The following TMEM255B variants were observed in gnomAD, a reference collection of about 807,000 sequenced individuals.
TMEM255B encodes transmembrane protein 255B.
Under a neutral mutation model 34.5 loss-of-function variants are expected in TMEM255B, and 35 were observed. The observed-to-expected ratio is 1.01, with a 90% confidence interval of 0.77 to 1.34. TMEM255B has a LOEUF of 1.34. TMEM255B is among the 40% of genes most tolerant of loss of function. TMEM255B has a pLI of 0.00. For synonymous variants in TMEM255B, 206 were observed against 201.2 expected (o/e 1.02, Z -0.20); for missense variants, 432 against 433.2 (o/e 1.00, Z 0.02).
Position 113,815,459 on chromosome 13 carries a change from G to T in TMEM255B, c.*3556G>T, listed in dbSNP as rs891863691. ...CCCCACCCAAATCTCAACTTGAATT[G>T]TATTTCCCAGAATTCCTGCGCGTTG... On this transcript the variant is annotated 3_prime_UTR_variant, in exon 9 of 9. Transcript: ENST00000375353. 2 of 152,218 alleles carry T rather than the reference G, an allele frequency of 1.3e-5. No homozygotes were observed. The highest frequency in any genetic ancestry group is 4.8e-5 in the African/African-American group (2 of 41,410). 9.4% of individuals were successfully genotyped at this position (152,218 alleles called of 1,614,324 possible). A position where few individuals can be genotyped will look rare whatever the true frequency, so the allele number is the denominator to read the frequency against.
Position 113,759,236 on chromosome 13 carries a change from C to T in TMEM255B, c.-34C>T, listed in dbSNP as rs574115430. On this transcript the variant is annotated 5_prime_UTR_variant, in exon 1 of 9. Transcript: ENST00000375353. ...GCGGCTCCTGGCGGCGGGACTGTGG[C>T]TGTGGCCCCGGGAGAGCCGGGTGGG... 19 of 1,226,970 alleles carry T rather than the reference C, an allele frequency of 1.5e-5. No individual in the cohort carries two copies. Among genetic ancestry groups the T allele is most frequent in the Middle Eastern group, 3.1e-4 (1 of 3,182 alleles). The allele number at this position is 1,226,970 out of a possible 1,614,324, so 76.0% of individuals were successfully genotyped here.
chr13:113,768,176 C>T, intron 2 of TMEM255B: 1 of 469,984 alleles, frequency 2.1e-6, no homozygotes, highest in Admixed American at 2.3e-5. Flanking sequence ...GTGCGACCGG[C>T]CCGGCGCACC....
chr13:113,768,438 C>T (rs1188576940), intron 2 of TMEM255B, among the ~76,000 whole-genome samples: 1 of 152,246 alleles, frequency 6.6e-6, no homozygotes, highest in Non-Finnish European at 1.5e-5. Context: ...GTATCATTTT[C>T]TGCCCAGAGC....
chr13:113,801,571 G>A, intron 6 of TMEM255B, 82 bp from the exon 7 acceptor site: 1 of 1,465,316 alleles, frequency 6.8e-7, no homozygotes, highest in East Asian at 2.5e-5. Context: ...GCCCTGCAGG[G>A]CTCAGGTCCA....
At chr13:113,793,037 C>G (rs2050857605) in intron 3 of TMEM255B, among the ~76,000 whole-genome samples, 1 of 152,224 alleles carries the variant, frequency 6.6e-6, no homozygotes, top group Non-Finnish European at 1.5e-5. Flanking sequence ...CCAAGGACCA[C>G]TAGGGGCAAG....
In TMEM255B at chr13:113,775,984, G is replaced by A. The variant is rs569539688; in HGVS notation, c.252+6824G>A. Among the ~76,000 whole-genome samples the A allele has an allele frequency of 3.3e-5, 5 of 152,314 alleles. No individual in the cohort carries two copies. The South Asian group carries it at 1.0e-3, about 32-fold the overall frequency. On this transcript the variant is annotated intron_variant, in intron 3 of 8. Coordinates refer to ENST00000375353, the MANE Select transcript of TMEM255B (RefSeq NM_182614.4). ...CAGGTCTCTGTGTGCAGCCATGTGC[G>A]GCCTGTGAGCTGAAGCTGAGTCTTC...
intron 3 of TMEM255B, among the ~76,000 whole-genome samples, chr13:113,791,342 C>T (rs1000018743): frequency 1.2e-4 from 18 of 152,198 alleles, no homozygotes; most frequent in Non-Finnish European, 2.1e-4. Context: ...GGGCATCTAG[C>T]GGGTGGCACC....
In TMEM255B at chr13:113,800,879, C is replaced by T. The variant is rs760051716; in HGVS notation, c.476C>T (p.Thr159Ile). The T allele has an allele frequency of 1.9e-6, 3 of 1,610,786 alleles. No homozygotes were observed. Among genetic ancestry groups the T allele is most frequent in the Admixed American group, 1.7e-5 (1 of 59,748 alleles). ...TGCCAGCTGAAGGTGAGAAGCAACA[C>T]CTGTTACTGCTGTGACCTCTATGCC... is the stretch of plus-strand genomic sequence containing the variant. ...GKCQLKVRSN[T>I]CYCCDLYACG... Residue 159 changes from threonine (T) to isoleucine (I), a missense_variant, in exon 6 of 9, where the codon ACC becomes ATC. Thr to Ile is a moderately conservative substitution (Grantham distance 89). Coordinates refer to ENST00000375353, the MANE Select transcript of TMEM255B (RefSeq NM_182614.4).
intron 3 of TMEM255B, 107 bp from the exon 4 acceptor site, chr13:113,795,041 A>T: frequency 1.1e-6 from 1 of 948,754 alleles, no homozygotes; most frequent in African/African-American, 1.6e-5. Context: ...GAGAAGAGGC[A>T]GTTCTGTGAA....
Position 113,812,123 on chromosome 13 carries a change from C to CT in TMEM255B, c.*221dup, listed in dbSNP as rs959814663. The CT allele has an allele frequency of 1.7e-6, 1 of 588,480 alleles. No homozygotes were observed. Among genetic ancestry groups the CT allele is most frequent in the Non-Finnish European group, 2.9e-6 (1 of 343,242 alleles). The allele number at this position is 588,480 out of a possible 1,614,324, so 36.5% of individuals were successfully genotyped here. A position where few individuals can be genotyped will look rare whatever the true frequency, so the allele number is the denominator to read the frequency against. ...GGCTGGTGACACCTTGGCTTGGGCT[C>CT]TGCTCACATCAAATGGCGCTGAAAG... On this transcript the variant is annotated 3_prime_UTR_variant, in exon 9 of 9. Coordinates refer to ENST00000375353, the MANE Select transcript of TMEM255B (RefSeq NM_182614.4).
chr13:113,790,783 C>T lies in TMEM255B; in HGVS notation c.253-4365C>T, dbSNP rs192216817. ...ATGGACATCCTAGCTCTGGACTGAC[C>T]GGACACGTAGACATCCTAGCATTGA... On this transcript the variant is annotated intron_variant, in intron 3 of 8. Coordinates refer to ENST00000375353, the MANE Select transcript of TMEM255B (RefSeq NM_182614.4). Among the ~76,000 whole-genome samples, 883 of 106,386 alleles carry T rather than the reference C, an allele frequency of 8.3e-3. 12 individuals are homozygous for T. Among genetic ancestry groups the T allele is most frequent in the South Asian group, 0.027 (75 of 2,746 alleles). The allele number at this position is 106,386 out of a possible 152,430, so 69.8% of individuals were successfully genotyped here.
At chr13:113,794,251 G>A (rs1251177351) in intron 3 of TMEM255B, among the ~76,000 whole-genome samples, 1 of 152,146 alleles carries the variant, frequency 6.6e-6, no homozygotes, top group Non-Finnish European at 1.5e-5. Context: ...CTGCTCGGTC[G>A]GCTCTGCTCT....
Position 113,800,935 on chromosome 13 carries a change from A to G in TMEM255B, c.509+23A>G, listed in dbSNP as rs111667140. The stretch of plus-strand genomic sequence containing the variant: ...GAGGTGAGGGGCACCGGGGACCCCC[A>G]TATCTACACCTGCGGGAGGTGAGGG... On this transcript the variant is annotated intron_variant, in intron 6 of 8. Coordinates refer to ENST00000375353, the MANE Select transcript of TMEM255B (RefSeq NM_182614.4). 4.7e-3 allele frequency: 5,579 copies of G among 1,189,762 alleles called. 225 individuals are homozygous for G. In the African/African-American group the frequency reaches 0.096, roughly 20 times the overall value. The allele number at this position is 1,189,762 out of a possible 1,614,324, so 73.7% of individuals were successfully genotyped here.
intron 7 of TMEM255B, among the ~76,000 whole-genome samples, chr13:113,803,639 TCC>T (rs2051106545): frequency 8.5e-6 from 1 of 118,158 alleles, no homozygotes; most frequent in African/African-American, 2.9e-5. Context: ...ACTGCAAATC[TCC>T]TGCCCCTCCC....
chr13:113,785,985 G>C (rs1469580324), intron 3 of TMEM255B, among the ~76,000 whole-genome samples: 2 of 152,228 alleles, frequency 1.3e-5, no homozygotes, highest in Non-Finnish European at 2.9e-5. Context: ...CCCACTTCGT[G>C]TTTCCAAAGC....
chr13:113,765,123 CAA>C (rs2050368075), intron 1 of TMEM255B, among the ~76,000 whole-genome samples: 1 of 152,148 alleles, frequency 6.6e-6, no homozygotes, highest in East Asian at 1.9e-4. Flanking sequence ...TTGCAAGGGT[CAA>C]GAGGCAGGCA....
chr13:113,799,397 T>G lies in TMEM255B; in HGVS notation c.401T>G (p.Leu134Trp), dbSNP rs1326855950. 6.2e-7 allele frequency: 1 copy of G among 1,614,164 alleles called. No individual in the cohort carries two copies. Among genetic ancestry groups the G allele is most frequent in the Non-Finnish European group, 8.5e-7 (1 of 1,180,012 alleles). ...TTTTACTCCAGTGGGGTGGGGTACT[T>G]GTACGATGTCTACCAGACAGAGGTG... ...CQFYSSGVGY[L>W]YDVYQTEVTC... Residue 134 changes from leucine (L) to tryptophan (W), a missense_variant, in exon 5 of 9, where the codon TTG becomes TGG. By Grantham distance (61) the Leu-to-Trp change is moderately conservative (BLOSUM62 -2). Transcript: ENST00000375353.
Position 113,814,224 on chromosome 13 carries a change from T to C in TMEM255B, c.*2321T>C, listed in dbSNP as rs1353720224. On this transcript the variant is annotated 3_prime_UTR_variant, in exon 9 of 9. Coordinates refer to ENST00000375353, the MANE Select transcript of TMEM255B (RefSeq NM_182614.4). ...GGTGCGAACAGCAGAGAAGCTGAAC[T>C]GCAGGTCTGGGCAGGGAGTCTATGC... 1 of 152,216 alleles carries C rather than the reference T, an allele frequency of 6.6e-6. No individual in the cohort carries two copies. The highest frequency in any genetic ancestry group is 1.5e-5 in the Non-Finnish European group (1 of 68,056). The allele number at this position is 152,216 out of a possible 1,614,324, so 9.4% of individuals were successfully genotyped here.
chr13:113,816,327 G>GGGAAGAGGAGT lies in TMEM255B; in HGVS notation c.*4426_*4436dup, dbSNP rs1224940910. The GGGAAGAGGAGT allele has an allele frequency of 7.7e-6, 1 of 130,544 alleles. No individual in the cohort carries two copies. The highest frequency in any genetic ancestry group is 1.6e-5 in the Non-Finnish European group (1 of 61,940). 8.1% of individuals were successfully genotyped at this position (130,544 alleles called of 1,614,324 possible). ...ACTGGTCAGGGACACGAGTTCTTGT[G>GGGAAGAGGAGT]GGAAGAGGAGTGTCCGGGAGCCAGA... On this transcript the variant is annotated 3_prime_UTR_variant, in exon 9 of 9. Transcript: ENST00000375353.
Sources: allele counts gnomAD v4.1 joint callset (sites outside exome capture counted in the v4.1 genomes callset), GRCh38; gene constraint gnomAD v4.1.1; transcripts MANE v1.5; gene names NCBI Gene and HGNC (gene_info 2026-07-23, HGNC 2026-07-21).